ARMH3: variants seen among roughly 807,000 people sequenced by gnomAD.
ARMH3 encodes the protein armadillo like helical domain containing 3, also known as armadillo-like helical domain-containing protein 3.
Under a neutral mutation model 99.1 loss-of-function variants are expected in ARMH3, and 60 were observed. The observed-to-expected ratio is 0.61, with a 90% CI of 0.49 to 0.75. The LOEUF (loss-of-function observed/expected upper bound fraction) is 0.75, where lower values mean the gene tolerates loss of function less well. Among genes scored for constraint, ARMH3 ranks in the 30% least tolerant of loss-of-function variants. The pLI, the probability that ARMH3 is intolerant of heterozygous loss-of-function variation, is 0.00. For synonymous variants in ARMH3, 285 were observed against 292.8 expected (o/e 0.97, Z 0.27); for missense variants, 679 against 843.1 (o/e 0.81, Z 2.41).
At chr10:101,874,059 C>T (rs1355523318) in intron 24 of ARMH3, among the ~76,000 whole-genome samples, 5 of 152,034 alleles carry the variant, frequency 3.3e-5, no homozygotes, top group Non-Finnish European at 7.4e-5. Context: ...GTACATATTG[C>T]ATTAGTTTAT....
chr10:101,966,994 C>T (rs143993835), intron 20 of ARMH3, among the ~76,000 whole-genome samples: 1 of 152,272 alleles, frequency 6.6e-6, no homozygotes, highest in African/African-American at 2.4e-5. Context: ...CAGGAGAGCA[C>T]AAACTAATAT....
chr10:101,921,261 A>G (rs1843295116), intron 23 of ARMH3, among the ~76,000 whole-genome samples: 1 of 152,220 alleles, frequency 6.6e-6, no homozygotes, highest in Admixed American at 6.5e-5. Flanking sequence ...GGCACACTAT[A>G]TGACTCTGTT....
At chr10:101,891,848 C>A (rs550941218) in intron 23 of ARMH3, among the ~76,000 whole-genome samples, 1 of 152,198 alleles carries the variant, frequency 6.6e-6, no homozygotes, top group East Asian at 1.9e-4. Context: ...GTGGCTCACG[C>A]ATGTAATTCC....
Position 102,033,226 on chromosome 10 carries a change from T to C in ARMH3, c.160-54A>G, listed in dbSNP as rs1453805190. ...TGCATTTTTAGCTTAGCGCCTAGAA[T>C]ATATGAGAAGGCAATTTTAGTTACC... On this transcript the variant is annotated intron_variant, in intron 3 of 25. Coordinates refer to ENST00000370033, the MANE Select transcript of ARMH3 (RefSeq NM_024541.3). 5 of 1,613,446 alleles carry C rather than the reference T, an allele frequency of 3.1e-6. No individual in the cohort carries two copies. In the East Asian group the frequency reaches 1.1e-4, roughly 36 times the overall value.
chr10:101,929,324 TA>T (rs1843629802), intron 23 of ARMH3, among the ~76,000 whole-genome samples: 1 of 152,246 alleles, frequency 6.6e-6, no homozygotes, highest in South Asian at 2.1e-4. Context: ...CACCAAGGAA[TA>T]AAGCAGGATC....
chr10:101,982,148 A>C (rs1590128336), intron 19 of ARMH3, among the ~76,000 whole-genome samples: 1 of 152,100 alleles, frequency 6.6e-6, no homozygotes. Context: ...TGGGAAGCCA[A>C]GGTGGGTGGA....
chr10:101,985,316 A>G lies in ARMH3; in HGVS notation c.1406+5235T>C, dbSNP rs564256773. ...CACACGTATATATACATGTATATAC[A>G]TATATATATACAGATCGCATGGGTT... On this transcript the variant is annotated intron_variant, in intron 19 of 25. Coordinates refer to ENST00000370033, the MANE Select transcript of ARMH3 (RefSeq NM_024541.3). Among the ~76,000 whole-genome samples, 53 of 28,928 alleles carry G rather than the reference A, an allele frequency of 1.8e-3. No homozygotes were observed. The East Asian group carries it at 0.029, about 16-fold the overall frequency. The allele number at this position is 28,928 out of a possible 152,430, so 19.0% of individuals were successfully genotyped here. A position where few individuals can be genotyped will look rare whatever the true frequency, so the allele number is the denominator to read the frequency against.
At chr10:101,990,208 A>G (rs1430015770) in intron 19 of ARMH3, among the ~76,000 whole-genome samples, 1 of 138,748 alleles carries the variant, frequency 7.2e-6, no homozygotes, top group East Asian at 2.1e-4. Context: ...TCCCAGACAG[A>G]GTCTTCGCTC....
At position 101,982,939 on chromosome 10, in the gene ARMH3, C is replaced by T. The variant is rs555969288; in HGVS notation, c.1406+7612G>A. On this transcript the variant is annotated intron_variant, in intron 19 of 25. Coordinates refer to ENST00000370033, the MANE Select transcript of ARMH3 (RefSeq NM_024541.3). ...TAAATGTTATGCACTTGGATCATCT[C>T]GAAACCATCACTGCCCCCAGATCTG... 6.7e-4 allele frequency among the ~76,000 whole-genome samples: 102 copies of T among 152,156 alleles called. 1 individual carries two copies. The highest frequency in any genetic ancestry group is 2.3e-3 in the African/African-American group (96 of 41,468).
intron 8 of ARMH3, among the ~76,000 whole-genome samples, chr10:102,022,491 TAAAA>T (rs745889967): frequency 1.2e-5 from 1 of 85,358 alleles, no homozygotes; most frequent in East Asian, 3.5e-4. Flanking sequence ...GACTCTGACT[TAAAA>T]AAAAAAAAAA....
intron 23 of ARMH3, among the ~76,000 whole-genome samples, chr10:101,891,231 T>C (rs952212852): frequency 6.6e-6 from 1 of 151,894 alleles, no homozygotes; most frequent in Non-Finnish European, 1.5e-5. Context: ...GTTTTGCTCT[T>C]GTTGCCCAGG....
At chr10:101,964,154 G>C (rs866573085) in intron 20 of ARMH3, among the ~76,000 whole-genome samples, 2 of 152,190 alleles carry the variant, frequency 1.3e-5, no homozygotes, top group African/African-American at 4.8e-5. Flanking sequence ...GGGACTGCAG[G>C]TGTAAGCCAC....
intron 15 of ARMH3, among the ~76,000 whole-genome samples, chr10:101,997,115 A>G (rs1053354280): frequency 6.6e-6 from 1 of 151,940 alleles, no homozygotes. Flanking sequence ...AGATACAAAA[A>G]TCAGCCAGGC....
chr10:101,888,150 C>T (rs1464155971), intron 24 of ARMH3, among the ~76,000 whole-genome samples: 1 of 149,708 alleles, frequency 6.7e-6, no homozygotes, highest in African/African-American at 2.5e-5. Flanking sequence ...CTGCATAAAA[C>T]TCAAGATGTT....
chr10:102,053,155 T>C (rs2067747833), intron 1 of ARMH3, among the ~76,000 whole-genome samples: 1 of 149,650 alleles, frequency 6.7e-6, no homozygotes, highest in African/African-American at 2.5e-5. Flanking sequence ...TGCCTCATTC[T>C]TCATTACTTT....
intron 24 of ARMH3, among the ~76,000 whole-genome samples, chr10:101,864,075 AAAAACACACAC>A (rs2066938004): frequency 9.1e-6 from 1 of 109,378 alleles, no homozygotes; most frequent in African/African-American, 2.8e-5. Context: ...AAAAAAAAAA[AAAAACACACAC>A]ACACACACAC....
At chr10:102,033,784 C>T (rs2067189400) in intron 2 of ARMH3, among the ~76,000 whole-genome samples, 1 of 152,168 alleles carries the variant, frequency 6.6e-6, no homozygotes, top group Non-Finnish European at 1.5e-5. Context: ...GGAAAAAGAA[C>T]ACTTATCTCT....
At chr10:101,997,780 A>C (rs1847129462) in intron 15 of ARMH3, among the ~76,000 whole-genome samples, 1 of 152,104 alleles carries the variant, frequency 6.6e-6, no homozygotes, top group African/African-American at 2.4e-5. Context: ...ACCTTATTAT[A>C]CATATCTATT....
intron 2 of ARMH3, among the ~76,000 whole-genome samples, chr10:102,036,771 C>T (rs867755506): frequency 1.3e-4 from 19 of 151,840 alleles, no homozygotes; most frequent in Middle Eastern, 3.4e-3. Flanking sequence ...AAACCAGAGA[C>T]CTTTGTTCAC....
Sources: allele counts gnomAD v4.1 joint callset (sites outside exome capture counted in the v4.1 genomes callset), GRCh38; gene constraint gnomAD v4.1.1; transcripts MANE v1.5; gene names NCBI Gene and HGNC (gene_info 2026-07-23, HGNC 2026-07-21).